The following CDH8 variants were observed in gnomAD, a reference collection of about 807,000 sequenced individuals.
CDH8 encodes the protein cadherin 8.
A neutral mutation model predicts 68.1 loss-of-function variants in CDH8; 17 were observed. The ratio of observed to expected loss-of-function variants is 0.25; its 90% CI spans 0.17 to 0.37. CDH8 has a LOEUF of 0.37. CDH8 is among the 10% of genes least tolerant of loss of function. The pLI is 1.00. For missense variants in CDH8, 763 were observed against 999.3 expected, an observed-to-expected ratio of 0.76 and a Z score of 3.19; for synonymous variants, 372 against 365.1, an observed-to-expected ratio of 1.02 and a Z score of -0.21.
intron 3 of CDH8, among the ~76,000 whole-genome samples, chr16:61,879,015 C>T (rs1963516207): frequency 6.6e-6 from 1 of 152,136 alleles, no homozygotes; most frequent in Non-Finnish European, 1.5e-5. Context: ...GTAAGATTCA[C>T]TTATTTGCCC....
At chr16:61,760,054 G>A (rs1290361538) in intron 8 of CDH8, among the ~76,000 whole-genome samples, 1 of 151,914 alleles carries the variant, frequency 6.6e-6, no homozygotes, top group African/African-American at 2.4e-5. Flanking sequence ...AAACGTTTAT[G>A]GAGGAGAACC....
chr16:61,993,040 C>T (rs1160735474), intron 2 of CDH8, among the ~76,000 whole-genome samples: 1 of 152,176 alleles, frequency 6.6e-6, no homozygotes, highest in Non-Finnish European at 1.5e-5. Context: ...CTGTCTTGGC[C>T]TTCCAAAGTA....
chr16:61,675,627 T>TA (rs201984187), intron 10 of CDH8, among the ~76,000 whole-genome samples: 3 of 43,654 alleles, frequency 6.9e-5, no homozygotes, highest in Admixed American at 4.4e-4. Context: ...ATAAAAAAAA[T>TA]AAAAAAAAAT....
At chr16:61,662,816 G>T (rs921421962) in intron 10 of CDH8, among the ~76,000 whole-genome samples, 3 of 151,760 alleles carry the variant, frequency 2.0e-5, no homozygotes, top group African/African-American at 7.3e-5. Flanking sequence ...TGCACCCATG[G>T]ATTTTGATAT....
chr16:61,869,944 A>G (rs1319101192), intron 3 of CDH8, among the ~76,000 whole-genome samples: 2 of 152,234 alleles, frequency 1.3e-5, no homozygotes, highest in Non-Finnish European at 2.9e-5. Flanking sequence ...ATTTTCTAAC[A>G]GCTGTGCCTT....
At chr16:61,948,975 A>G (rs187881429) in intron 2 of CDH8, among the ~76,000 whole-genome samples, 10 of 152,326 alleles carry the variant, frequency 6.6e-5, no homozygotes, top group Admixed American at 6.5e-4. Flanking sequence ...TGTAAACAGT[A>G]CCTACCGTGT....
intron 2 of CDH8, among the ~76,000 whole-genome samples, chr16:61,950,709 G>A (rs1281383614): frequency 2.0e-5 from 3 of 152,014 alleles, no homozygotes; most frequent in Non-Finnish European, 4.4e-5. Context: ...TCACTATACA[G>A]CCATAAAAAA....
chr16:61,760,758 T>A (rs186749258), intron 8 of CDH8, among the ~76,000 whole-genome samples: 18 of 152,306 alleles, frequency 1.2e-4, no homozygotes, highest in Non-Finnish European at 2.5e-4. Context: ...AGTGTAAACA[T>A]AATTACATGA....
intron 9 of CDH8, among the ~76,000 whole-genome samples, chr16:61,722,308 T>C (rs1959227069): frequency 1.3e-5 from 2 of 150,860 alleles, no homozygotes; most frequent in African/African-American, 4.8e-5. Context: ...AAAATTTATT[T>C]GACAATACTA....
chr16:62,022,586 A>C (rs1465769527), intron 1 of CDH8, among the ~76,000 whole-genome samples: 2 of 152,200 alleles, frequency 1.3e-5, no homozygotes, highest in Non-Finnish European at 2.9e-5. Context: ...TTCACTGCAG[A>C]TCCAAGAGAG....
At chr16:61,930,173 C>T (rs1044378866) in intron 2 of CDH8, among the ~76,000 whole-genome samples, 1 of 151,400 alleles carries the variant, frequency 6.6e-6, no homozygotes, top group African/African-American at 2.4e-5. Flanking sequence ...GTAAGAGAAA[C>T]ATTTAAAGTA....
intron 2 of CDH8, among the ~76,000 whole-genome samples, chr16:61,986,344 C>G (rs1965627815): frequency 6.6e-6 from 1 of 152,056 alleles, no homozygotes; most frequent in Non-Finnish European, 1.5e-5. Context: ...TTAAAGTTAC[C>G]CTGTGCAATT....
chr16:61,660,337 C>G (rs193278782), intron 10 of CDH8, among the ~76,000 whole-genome samples: 1 of 150,984 alleles, frequency 6.6e-6, no homozygotes, highest in East Asian at 1.9e-4. Flanking sequence ...ACTAGAGTGA[C>G]TAAACAGTAG....
At chr16:61,907,518 A>C (rs1964081713) in intron 2 of CDH8, among the ~76,000 whole-genome samples, 1 of 152,064 alleles carries the variant, frequency 6.6e-6, no homozygotes, top group African/African-American at 2.4e-5. Context: ...GTATCTAAAA[A>C]AAATAGAAAA....
At position 61,653,536 on chromosome 16, in the gene CDH8, G is replaced by T. The variant is rs72796836; in HGVS notation, c.*72C>A. On this transcript the variant is annotated 3_prime_UTR_variant, in exon 12 of 12. Transcript: ENST00000577390. ...GCCTCTAAAACAAATAGCCACATTG[G>T]TTGTATCTAAGGGGAGTGACCCTAG... 0.014 allele frequency: 20,624 copies of T among 1,517,010 alleles called. 190 individuals carry two copies. The highest frequency in any genetic ancestry group is 0.023 in the South Asian group (1,719 of 74,380). The allele number at this position is 1,517,010 out of a possible 1,614,324, so 94.0% of individuals were successfully genotyped here.
chr16:61,759,080 C>G (rs937284998), intron 8 of CDH8, among the ~76,000 whole-genome samples: 6 of 152,166 alleles, frequency 3.9e-5, no homozygotes, highest in African/African-American at 1.4e-4. Context: ...GCATTGACCA[C>G]AGCAGATTCA....
intron 10 of CDH8, among the ~76,000 whole-genome samples, chr16:61,698,735 C>T (rs1361226260): frequency 6.6e-6 from 1 of 152,156 alleles, no homozygotes; most frequent in Non-Finnish European, 1.5e-5. Context: ...CAGGTTTGGC[C>T]TTCACTTCTT....
chr16:61,789,163 G>A (rs1281473175), intron 8 of CDH8, among the ~76,000 whole-genome samples, 183 bp downstream of exon 8: 2 of 152,008 alleles, frequency 1.3e-5, no homozygotes, highest in African/African-American at 2.4e-5. Context: ...AAACATTTCA[G>A]TAATTTACCA....
chr16:61,832,991 T>C (rs1252384701), intron 4 of CDH8, among the ~76,000 whole-genome samples: 1 of 151,588 alleles, frequency 6.6e-6, no homozygotes, highest in Non-Finnish European at 1.5e-5. Flanking sequence ...GCTTAGAGAA[T>C]GGGTTCTGGA....
Sources: allele counts gnomAD v4.1 joint callset (sites outside exome capture counted in the v4.1 genomes callset), GRCh38; gene constraint gnomAD v4.1.1; transcripts MANE v1.5; gene names NCBI Gene and HGNC (gene_info 2026-07-23, HGNC 2026-07-21).